The following C8orf34 variants were observed in gnomAD, a reference collection of about 807,000 sequenced individuals.
C8orf34 encodes the protein chromosome 8 open reading frame 34.
Under a neutral mutation model 68.3 loss-of-function variants are expected in C8orf34, and 65 were observed. That is an observed-to-expected ratio of 0.95 (90% CI 0.78 to 1.17). The LOEUF is 1.17. Among genes scored for constraint, C8orf34 ranks in the 50% most tolerant of loss-of-function variants. C8orf34 has a pLI of 0.00. For synonymous variants in C8orf34, 244 were observed against 241.2 expected, an observed-to-expected ratio of 1.01 and a Z score of -0.11; for missense variants, 664 against 655.4, an observed-to-expected ratio of 1.01 and a Z score of -0.14.
chr8:68,558,947 T>C (rs1816338388), intron 7 of C8orf34, among the ~76,000 whole-genome samples: 2 of 152,092 alleles, frequency 1.3e-5, no homozygotes, highest in South Asian at 2.1e-4. Context: ...GGGGAGAGAA[T>C]AGGTGATTAA....
intron 10 of C8orf34, among the ~76,000 whole-genome samples, chr8:68,764,993 C>T (rs1823130297): frequency 6.6e-6 from 1 of 152,182 alleles, no homozygotes; most frequent in African/African-American, 2.4e-5. Flanking sequence ...TGATTTCCTT[C>T]CTACCTATAT....
At chr8:68,652,851 A>G (rs775668801) in intron 8 of C8orf34, among the ~76,000 whole-genome samples, 5 of 152,156 alleles carry the variant, frequency 3.3e-5, no homozygotes, top group Non-Finnish European at 5.9e-5. Flanking sequence ...AAATCTGCTT[A>G]TTAGGGTGGA....
intron 1 of C8orf34, among the ~76,000 whole-genome samples, chr8:68,378,125 C>A (rs1242205305): frequency 6.6e-6 from 1 of 152,006 alleles, no homozygotes; most frequent in East Asian, 1.9e-4. Flanking sequence ...CAGGCAGAGA[C>A]CTGACAAAAC....
chr8:68,466,762 T>TAG lies in C8orf34; in HGVS notation c.608-1929_608-1928insGA, dbSNP rs1477526314. ...ACATATATATATATATATATATATA[T>TAG]ATAGATGCTTTCATTTCTTTATGAT... On this transcript the variant is annotated intron_variant, in intron 3 of 13. Coordinates refer to ENST00000518698, the MANE Select transcript of C8orf34 (RefSeq NM_052958.4). 7.6e-5 allele frequency among the ~76,000 whole-genome samples: 10 copies of TAG among 131,318 alleles called. No individual in the cohort carries two copies. The East Asian group carries it at 1.6e-3, about 21-fold the overall frequency. 86.1% of individuals were successfully genotyped at this position (131,318 alleles called of 152,430 possible).
intron 8 of C8orf34, among the ~76,000 whole-genome samples, chr8:68,682,333 T>G (rs777885363): frequency 6.6e-6 from 1 of 152,158 alleles, no homozygotes; most frequent in East Asian, 1.9e-4. Context: ...CCCATAAATA[T>G]GTACACCTGC....
intron 9 of C8orf34, among the ~76,000 whole-genome samples, chr8:68,710,667 G>C (rs1821306306): frequency 6.6e-6 from 1 of 152,096 alleles, no homozygotes; most frequent in Non-Finnish European, 1.5e-5. Context: ...ACCTATCTCT[G>C]CTCCCAACTG....
intron 8 of C8orf34, among the ~76,000 whole-genome samples, chr8:68,681,906 G>A (rs1820381795): frequency 6.6e-6 from 1 of 152,126 alleles, no homozygotes; most frequent in South Asian, 2.1e-4. Context: ...AGTGAGATAA[G>A]CCAGGCTTAG....
chr8:68,426,650 TA>T (rs896089195), intron 1 of C8orf34, among the ~76,000 whole-genome samples: 1 of 148,774 alleles, frequency 6.7e-6, no homozygotes, highest in East Asian at 2.0e-4. Context: ...CAAAACATAT[TA>T]AAAAAAAGAA....
intron 7 of C8orf34, among the ~76,000 whole-genome samples, chr8:68,617,604 A>G (rs1482829540): frequency 6.6e-6 from 1 of 152,166 alleles, no homozygotes; most frequent in Non-Finnish European, 1.5e-5. Context: ...AGAATGTTGA[A>G]TATTGGCCCT....
intron 7 of C8orf34, among the ~76,000 whole-genome samples, chr8:68,554,073 A>G (rs1053317180): frequency 1.3e-5 from 2 of 152,124 alleles, no homozygotes; most frequent in Non-Finnish European, 2.9e-5. Context: ...TAGCAAATTG[A>G]AAAAAATCCA....
intron 6 of C8orf34, among the ~76,000 whole-genome samples, 174 bp from the exon 7 acceptor site, chr8:68,532,809 G>A (rs888925790): frequency 3.9e-5 from 6 of 152,088 alleles, no homozygotes; most frequent in African/African-American, 1.4e-4. Flanking sequence ...TACTCACTTG[G>A]GAATTCCTTA....
intron 4 of C8orf34, among the ~76,000 whole-genome samples, chr8:68,474,744 C>A (rs941004706): frequency 6.6e-6 from 1 of 152,166 alleles, no homozygotes; most frequent in Non-Finnish European, 1.5e-5. Context: ...AAGGTCACTG[C>A]GGAAGCAGAA....
In C8orf34 at chr8:68,340,916, CAG is replaced by C. The variant is rs150436380; in HGVS notation, c.327+9579_327+9580del. Reference sequence around the variant, plus strand: ...AAAAAACCTTAACAAAATTAACAAACAGAATTCAGAAATAAAAAAACAACAAA... The same window carrying C: ...AAAAAACCTTAACAAAATTAACAAACAATTCAGAAATAAAAAAACAACAAA... On this transcript the variant is annotated intron_variant, in intron 1 of 13. Coordinates refer to ENST00000518698, the MANE Select transcript of C8orf34 (RefSeq NM_052958.4). Among the ~76,000 whole-genome samples the C allele has an allele frequency of 7.8e-3, 1,192 of 152,090 alleles. 19 individuals are homozygous for C. Among genetic ancestry groups the C allele is most frequent in the African/African-American group, 0.027 (1,104 of 41,502 alleles).
chr8:68,792,590 AAAAAAAAAAAAGATATTT>A (rs1824039735), intron 12 of C8orf34: 1 of 148,932 alleles, frequency 6.7e-6, no homozygotes. Flanking sequence ...AAAAAAAAAA[AAAAAAAAAAAAGATATTT>A]AAAGATAGAA....
At chr8:68,463,821 C>A (rs1308767107) in intron 3 of C8orf34, among the ~76,000 whole-genome samples, 2 of 152,112 alleles carry the variant, frequency 1.3e-5, no homozygotes, top group African/African-American at 2.4e-5. Flanking sequence ...TATGACAAAC[C>A]CACAGCTGAT....
intron 10 of C8orf34, among the ~76,000 whole-genome samples, chr8:68,751,969 A>C (rs1336385815): frequency 6.6e-6 from 1 of 152,094 alleles, no homozygotes; most frequent in Non-Finnish European, 1.5e-5. Flanking sequence ...TCTTCAGATC[A>C]TAAGATGAAA....
At chr8:68,543,071 T>C (rs1815753569) in intron 7 of C8orf34, among the ~76,000 whole-genome samples, 1 of 152,192 alleles carries the variant, frequency 6.6e-6, no homozygotes, top group South Asian at 2.1e-4. Flanking sequence ...TGGTCATTAC[T>C]GATCTTAAAA....
At chr8:68,521,221 G>A (rs1814741566) in intron 5 of C8orf34, among the ~76,000 whole-genome samples, 1 of 152,082 alleles carries the variant, frequency 6.6e-6, no homozygotes, top group South Asian at 2.1e-4. Context: ...TACTACAATA[G>A]TATTTTAATA....
In C8orf34 at chr8:68,331,284, C is replaced by G. The variant is rs1196080626; in HGVS notation, c.272C>G (p.Pro91Arg). ...RSHLFPMASH[P>R]QTRIQAYLEK... ...CATCTGTTCCCCATGGCGTCTCATC[C>G]GCAAACCCGGATCCAGGCTTACCTG... The change falls in exon 1 of 14, where the codon CCG becomes CGG. Residue 91 changes from proline to arginine, a missense_variant. Pro to Arg is a moderately radical substitution (Grantham distance 103). Coordinates refer to ENST00000518698, the MANE Select transcript of C8orf34 (RefSeq NM_052958.4). 2.0e-6 allele frequency: 3 copies of G among 1,536,344 alleles called. No homozygotes were observed. The highest frequency in any genetic ancestry group is 1.7e-4 in the Middle Eastern group (1 of 6,014).
Sources: gnomAD v4.1 joint callset for allele counts (sites outside exome capture counted in the v4.1 genomes callset) on GRCh38, gnomAD v4.1.1 for gene constraint, MANE v1.5 for transcripts, NCBI Gene and HGNC (gene_info 2026-07-23, HGNC 2026-07-21) for gene names.